The following TUSC3 variants were observed in gnomAD, a reference collection of about 807,000 sequenced individuals.
TUSC3 encodes the protein dolichyl-diphosphooligosaccharide--protein glycosyltransferase subunit TUSC3.
TUSC3 carries 45 observed loss-of-function variants against 44.8 expected under a neutral mutation model. That is an observed-to-expected ratio of 1.00 (90% CI 0.79 to 1.29). The LOEUF (loss-of-function observed/expected upper bound fraction) is 1.29, where lower values mean the gene tolerates loss of function less well. Ranked by LOEUF, TUSC3 falls within the 50% of genes most tolerant of loss-of-function variation. The pLI, the probability that TUSC3 is intolerant of heterozygous loss-of-function variation, is 0.00. For synonymous variants in TUSC3, 212 were observed against 152.9 expected, an observed-to-expected ratio of 1.39 and a Z score of -2.85; for missense variants, 519 against 437.9, an observed-to-expected ratio of 1.19 and a Z score of -1.65.
chr8:15,492,187 A>C (rs1348396200), intron 2 of TUSC3, among the ~76,000 whole-genome samples: 1 of 152,180 alleles, frequency 6.6e-6, no homozygotes, highest in Non-Finnish European at 1.5e-5. Context: ...GTTGTGGAGC[A>C]CAGAGGAGAA....
intron 1 of TUSC3, among the ~76,000 whole-genome samples, chr8:15,582,873 T>G (rs893934540): frequency 1.3e-5 from 2 of 152,194 alleles, no homozygotes; most frequent in Non-Finnish European, 2.9e-5. Context: ...CTTCTCCTTT[T>G]TAGAAGACCT....
rs907499778 is a variant in TUSC3, at chr8:15,501,408, C to G, written n.189+17925C>G. 3.3e-5 allele frequency among the ~76,000 whole-genome samples: 5 copies of G among 152,280 alleles called. No homozygotes were observed. The South Asian group carries it at 8.3e-4, about 25-fold the overall frequency. On this transcript the variant is annotated intron_variant and non_coding_transcript_variant, in intron 2 of 5. Coordinates refer to the TUSC3 transcript ENST00000503191. ...TACTTCACTTTGGCAATGAGCAAAA[C>G]TTGACACATGTTGATTACAACAGGA...
intron 9 of TUSC3, among the ~76,000 whole-genome samples, chr8:15,749,251 T>C (rs1811585155): frequency 2.0e-5 from 3 of 152,188 alleles, no homozygotes; most frequent in African/African-American, 2.4e-5. Context: ...ACCAGTGATA[T>C]GTTGATAGAA....
At chr8:15,712,827 C>T (rs1298055296) in intron 6 of TUSC3, among the ~76,000 whole-genome samples, 1 of 152,054 alleles carries the variant, frequency 6.6e-6, no homozygotes, top group African/African-American at 2.4e-5. Context: ...GACCTTATTT[C>T]CTATGTAAAC....
chr8:15,569,321 G>C lies in TUSC3; in HGVS notation c.138+28753G>C, dbSNP rs139422597. ...TTGCTACTTGCTGGAAAATACATGG[G>C]CAGTTTATTTTCATGGAAAATATAT... On this transcript the variant is annotated intron_variant, in intron 1 of 10. Transcript: ENST00000503731. 8.7e-4 allele frequency among the ~76,000 whole-genome samples: 133 copies of C among 152,108 alleles called. 2 individuals are homozygous for C. In the East Asian group the frequency reaches 0.024, roughly 27 times the overall value.
At chr8:15,648,391 G>A (rs961848425) in intron 2 of TUSC3, among the ~76,000 whole-genome samples, 4 of 151,936 alleles carry the variant, frequency 2.6e-5, no homozygotes, top group Admixed American at 2.6e-4. Context: ...GACTAGACGC[G>A]GGCAGACTCT....
At chr8:15,588,433 C>T (rs925735966) in intron 1 of TUSC3, among the ~76,000 whole-genome samples, 6 of 151,774 alleles carry the variant, frequency 4.0e-5, no homozygotes, top group Non-Finnish European at 5.9e-5. Flanking sequence ...TTGAGGTGTT[C>T]GAGTTCTTGT....
chr8:15,636,934 C>T (rs889922351), intron 2 of TUSC3, among the ~76,000 whole-genome samples: 6 of 152,190 alleles, frequency 3.9e-5, no homozygotes, highest in African/African-American at 7.2e-5. Context: ...ATACTGATGC[C>T]GATCCAGTTT....
chr8:15,610,887 A>T (rs1468700363), intron 1 of TUSC3, among the ~76,000 whole-genome samples: 4 of 152,168 alleles, frequency 2.6e-5, no homozygotes, highest in African/African-American at 9.7e-5. Flanking sequence ...AAAATTTCTG[A>T]GGAGAGTTCA....
the TUSC3 span, among the ~76,000 whole-genome samples, chr8:15,803,344 G>A: frequency 6.6e-6 from 1 of 152,266 alleles, no homozygotes; most frequent in African/African-American, 2.4e-5. Context: ...TAATTAGACA[G>A]ATAAGCATAC....
chr8:15,501,881 C>T (rs962065787), intron 2 of TUSC3, among the ~76,000 whole-genome samples: 9 of 152,170 alleles, frequency 5.9e-5, no homozygotes, highest in African/African-American at 2.2e-4. Context: ...TATTTAATAA[C>T]ACAGTCTCTT....
At chr8:15,809,232 T>C in the TUSC3 span, among the ~76,000 whole-genome samples, 1 of 152,148 alleles carries the variant, frequency 6.6e-6, no homozygotes, top group East Asian at 1.9e-4. Flanking sequence ...GGTGTGAGGA[T>C]GTTGGGAACT....
At chr8:15,810,356 G>A in the TUSC3 span, among the ~76,000 whole-genome samples, 2 of 152,188 alleles carry the variant, frequency 1.3e-5, no homozygotes, top group African/African-American at 4.8e-5. Context: ...AGAAAATCAA[G>A]GCCAGGAATG....
intron 1 of TUSC3, among the ~76,000 whole-genome samples, chr8:15,562,180 C>G (rs1032106270): frequency 2.0e-5 from 3 of 152,150 alleles, no homozygotes; most frequent in African/African-American, 7.2e-5. Flanking sequence ...GGTATCACTA[C>G]ACAATTACTG....
chr8:15,588,466 G>C (rs376337748), intron 1 of TUSC3, among the ~76,000 whole-genome samples: 5 of 152,224 alleles, frequency 3.3e-5, no homozygotes, highest in South Asian at 4.1e-4. Flanking sequence ...TTCGTTCCTT[G>C]TTGGATGAAT....
intron 2 of TUSC3, among the ~76,000 whole-genome samples, chr8:15,630,391 A>G (rs1805705893): frequency 6.6e-6 from 1 of 152,182 alleles, no homozygotes; most frequent in Non-Finnish European, 1.5e-5. Context: ...CCAACAAAAT[A>G]AAATTTTTGT....
chr8:15,780,516 G>C, the TUSC3 span, among the ~76,000 whole-genome samples: 3 of 152,170 alleles, frequency 2.0e-5, no homozygotes, highest in African/African-American at 7.2e-5. Context: ...TGGGAATAGG[G>C]CAGAGAAAAC....
chr8:15,610,066 A>C (rs1175476703), intron 1 of TUSC3, among the ~76,000 whole-genome samples: 1 of 152,082 alleles, frequency 6.6e-6, no homozygotes, highest in Non-Finnish European at 1.5e-5. Flanking sequence ...TATATGGTTT[A>C]ACTATTTTTC....
At chr8:15,725,980 G>A (rs1810480483) in intron 6 of TUSC3, among the ~76,000 whole-genome samples, 1 of 152,118 alleles carries the variant, frequency 6.6e-6, no homozygotes, top group Non-Finnish European at 1.5e-5. Flanking sequence ...TCTAAGTTTA[G>A]TTTGCTTTTT....
Sources: gnomAD v4.1 joint callset for allele counts (sites outside exome capture counted in the v4.1 genomes callset) on GRCh38, gnomAD v4.1.1 for gene constraint, MANE v1.5 for transcripts, NCBI Gene and HGNC (gene_info 2026-07-23, HGNC 2026-07-21) for gene names.